The following CPEB3 variants were observed in gnomAD, a reference collection of about 807,000 sequenced individuals.
CPEB3 encodes cytoplasmic polyadenylation element binding protein 3, also known as cytoplasmic polyadenylation element-binding protein 3.
In CPEB3, 20 loss-of-function variants were observed where a neutral mutation model predicts 67.2. The ratio of observed to expected loss-of-function variants is 0.30; its 90% CI spans 0.21 to 0.43. CPEB3 has a LOEUF of 0.43. CPEB3 is among the 20% of genes least tolerant of loss of function. The pLI is 1.00. For missense variants in CPEB3, 746 were observed against 968.6 expected (o/e 0.77, Z 3.05); for synonymous variants, 376 against 393.1 (o/e 0.96, Z 0.51).
At chr10:92,280,090 C>A (rs145327537) in intron 1 of CPEB3, among the ~76,000 whole-genome samples, 1 of 151,598 alleles carries the variant, frequency 6.6e-6, no homozygotes, top group African/African-American at 2.4e-5. Context: ...CACCTGTAAT[C>A]CCTGCACTTT....
At chr10:92,231,220 C>T (rs1268613004) in intron 2 of CPEB3, among the ~76,000 whole-genome samples, 1 of 152,090 alleles carries the variant, frequency 6.6e-6, no homozygotes, top group African/African-American at 2.4e-5. Flanking sequence ...AGGCAGTCAC[C>T]CTAATATACA....
intron 1 of CPEB3, among the ~76,000 whole-genome samples, chr10:92,253,481 A>AAG (rs1554935025): frequency 2.1e-4 from 30 of 144,944 alleles, no homozygotes; most frequent in Middle Eastern, 3.4e-3. Flanking sequence ...AAAAAAAAAA[A>AAG]AAAGAAAAGA....
chr10:92,082,165 T>C (rs193227292), intron 8 of CPEB3, among the ~76,000 whole-genome samples: 1 of 152,340 alleles, frequency 6.6e-6, no homozygotes, highest in Non-Finnish European at 1.5e-5. Flanking sequence ...CACAGAGCAC[T>C]AAGGTGCCAC....
intron 1 of CPEB3, among the ~76,000 whole-genome samples, chr10:92,264,794 G>A (rs973124564): frequency 2.0e-4 from 30 of 151,836 alleles, no homozygotes; most frequent in Non-Finnish European, 1.0e-4. Context: ...TTTCATACCT[G>A]TAATCCCAAC....
At chr10:92,207,740 C>T (rs1397782600) in intron 2 of CPEB3, among the ~76,000 whole-genome samples, 6 of 152,102 alleles carry the variant, frequency 3.9e-5, no homozygotes, top group Non-Finnish European at 7.4e-5. Flanking sequence ...TGTGGTGGCA[C>T]ATGCCTGTAG....
chr10:92,094,830 C>T (rs1342255122), intron 7 of CPEB3, among the ~76,000 whole-genome samples: 1 of 151,896 alleles, frequency 6.6e-6, no homozygotes, highest in Non-Finnish European at 1.5e-5. Context: ...CACACACACA[C>T]ACACACACAC....
Position 92,065,556 on chromosome 10 carries a change from G to A in CPEB3, c.1870-13117C>T, listed in dbSNP as rs570900970. ...TCTAAAATGAGTATTATTTCTGACCGATAGAGGAAAATTTCAACCCCAGGA... is the reference window on the plus strand; with the variant it reads ...TCTAAAATGAGTATTATTTCTGACCAATAGAGGAAAATTTCAACCCCAGGA... On this transcript the variant is annotated intron_variant, in intron 9 of 9. Coordinates refer to ENST00000265997, the MANE Select transcript of CPEB3 (RefSeq NM_014912.5). 4.6e-5 allele frequency among the ~76,000 whole-genome samples: 7 copies of A among 152,198 alleles called. No individual in the cohort carries two copies. The East Asian group carries it at 9.7e-4, about 21-fold the overall frequency.
chr10:92,139,446 T>C (rs1322873235), intron 6 of CPEB3, among the ~76,000 whole-genome samples: 1 of 151,846 alleles, frequency 6.6e-6, no homozygotes, highest in Non-Finnish European at 1.5e-5. Context: ...AAACTTCCCA[T>C]TGTCTCATGC....
chr10:92,116,595 GCTCT>G (rs1232151421), intron 6 of CPEB3, among the ~76,000 whole-genome samples: 1 of 151,896 alleles, frequency 6.6e-6, no homozygotes, highest in Non-Finnish European at 1.5e-5. Flanking sequence ...AACTTCCTCT[GCTCT>G]CTCTTGCCCT....
chr10:92,185,328 C>T (rs932909668), intron 3 of CPEB3, among the ~76,000 whole-genome samples: 3 of 152,112 alleles, frequency 2.0e-5, no homozygotes, highest in Non-Finnish European at 2.9e-5. Context: ...GAGACTGTGT[C>T]CCACTTTCCC....
chr10:92,102,288 C>G (rs965105888), intron 7 of CPEB3, among the ~76,000 whole-genome samples: 6 of 152,212 alleles, frequency 3.9e-5, no homozygotes, highest in African/African-American at 1.4e-4. Flanking sequence ...AAAGCTGTAA[C>G]TCTCACATTC....
rs775140054 is a variant in CPEB3 at position 92,186,064 on chromosome 10, G to A, written c.1166-5045C>T. 2.0e-5 allele frequency among the ~76,000 whole-genome samples: 3 copies of A among 151,804 alleles called. No individual in the cohort carries two copies. In the East Asian group the frequency reaches 5.8e-4, roughly 29 times the overall value. ...TCCTCATTTAATAAAGACTGTACTC[G>A]AGAACAATTAAATCACAATTCCCAG... On this transcript the variant is annotated intron_variant, in intron 3 of 9. Transcript: ENST00000265997.
intron 9 of CPEB3, among the ~76,000 whole-genome samples, chr10:92,076,841 A>G (rs201897847): frequency 1.3e-4 from 18 of 140,068 alleles, no homozygotes; most frequent in Middle Eastern, 7.4e-3. Flanking sequence ...GGAGGAAAGA[A>G]AGAGAGAGAA....
At chr10:92,095,599 TA>T (rs35236234) in intron 7 of CPEB3, among the ~76,000 whole-genome samples, 3,621 of 82,686 alleles carry the variant, frequency 0.044, 86 homozygotes, top group East Asian at 0.17. Flanking sequence ...TATATATATA[TA>T]TTTTTTTTTT....
At chr10:92,137,166 C>A (rs2133776457) in intron 6 of CPEB3, 1 of 372,620 alleles carries the variant, frequency 2.7e-6, no homozygotes, top group East Asian at 5.7e-5. Context: ...ACACCTTGGT[C>A]CCAGCATCCA....
At chr10:92,140,168 C>T (rs919148249) in intron 6 of CPEB3, among the ~76,000 whole-genome samples, 12 of 151,922 alleles carry the variant, frequency 7.9e-5, no homozygotes, top group Non-Finnish European at 1.2e-4. Context: ...GAGCCCACAT[C>T]GCCAAGTCAA....
intron 2 of CPEB3, among the ~76,000 whole-genome samples, chr10:92,210,905 C>T (rs1238914187): frequency 6.6e-6 from 1 of 152,114 alleles, no homozygotes; most frequent in Non-Finnish European, 1.5e-5. Context: ...GGCGTGGTGG[C>T]ACATGCCTGT....
intron 1 of CPEB3, among the ~76,000 whole-genome samples, chr10:92,283,362 A>G (rs1842383151): frequency 6.6e-6 from 1 of 152,200 alleles, no homozygotes; most frequent in Non-Finnish European, 1.5e-5. Context: ...TGAACAATTT[A>G]AATGAATTTT....
rs376323775 is a variant in CPEB3 at position 92,059,002 on chromosome 10, AAATT to A, written c.1870-6567_1870-6564del. 2.0e-4 allele frequency among the ~76,000 whole-genome samples: 30 copies of A among 152,338 alleles called. No individual in the cohort carries two copies. The East Asian group carries it at 5.4e-3, about 27-fold the overall frequency. On this transcript the variant is annotated intron_variant, in intron 9 of 9. Transcript: ENST00000265997. ...TGTAACCACAATGGAATAAAACTGG[AAATT>A]AATAACAAAAGGAATTTTGGAAACT...
Sources: gnomAD v4.1 joint callset for allele counts (sites outside exome capture counted in the v4.1 genomes callset) on GRCh38, gnomAD v4.1.1 for gene constraint, MANE v1.5 for transcripts, NCBI Gene and HGNC (gene_info 2026-07-23, HGNC 2026-07-21) for gene names.